KAZN: variants seen among roughly 807,000 people sequenced by gnomAD.
The protein encoded by KAZN is kazrin, periplakin interacting protein, also known as kazrin.
Under a neutral mutation model 87.4 loss-of-function variants are expected in KAZN, and 40 were observed. The observed-to-expected ratio is 0.46, with a 90% confidence interval of 0.36 to 0.60. The LOEUF (loss-of-function observed/expected upper bound fraction) is 0.60. Among genes scored for constraint, KAZN ranks in the 20% least tolerant of loss-of-function variants. The pLI, the probability that KAZN is intolerant of heterozygous loss-of-function variation, is 0.00. For missense variants in KAZN, 898 were observed against 1,073.9 expected (o/e 0.84, Z 2.29); for synonymous variants, 466 against 458.3 (o/e 1.02, Z -0.22).
intron 1 of KAZN, among the ~76,000 whole-genome samples, chr1:14,131,346 C>T (rs1202962038): frequency 1.3e-5 from 2 of 152,172 alleles, no homozygotes; most frequent in Non-Finnish European, 2.9e-5. Context: ...GAAACACTGT[C>T]ACTGGTCACC....
chr1:14,680,645 A>C (rs1474608843), intron 1 of KAZN, among the ~76,000 whole-genome samples: 2 of 151,788 alleles, frequency 1.3e-5, no homozygotes, highest in African/African-American at 2.4e-5. Context: ...CCGGTGTGTG[A>C]TGTTCCCCTC....
intron 1 of KAZN, among the ~76,000 whole-genome samples, chr1:14,046,512 T>C (rs1642080232): frequency 6.6e-6 from 1 of 152,228 alleles, no homozygotes; most frequent in African/African-American, 2.4e-5. Context: ...CAACATCCCA[T>C]CTTGTTTGCT....
At chr1:14,379,716 C>T (rs2101043995) in intron 2 of KAZN, among the ~76,000 whole-genome samples, 1 of 152,302 alleles carries the variant, frequency 6.6e-6, no homozygotes, top group Non-Finnish European at 1.5e-5. Flanking sequence ...AGTGCCAGCT[C>T]AGCCACAGTA....
intron 1 of KAZN, among the ~76,000 whole-genome samples, chr1:14,775,657 C>T (rs903181675): frequency 2.0e-5 from 3 of 152,212 alleles, no homozygotes; most frequent in Non-Finnish European, 2.9e-5. Context: ...ACTTCCTCAA[C>T]GTGCGCCATG....
At chr1:14,854,406 T>C (rs144516730) in intron 1 of KAZN, among the ~76,000 whole-genome samples, 14 of 152,316 alleles carry the variant, frequency 9.2e-5, no homozygotes, top group African/African-American at 3.4e-4. Flanking sequence ...GGGTAGTTTA[T>C]ACAGAAAAGA....
At chr1:14,133,509 G>T (rs1645043869) in intron 1 of KAZN, among the ~76,000 whole-genome samples, 3 of 151,990 alleles carry the variant, frequency 2.0e-5, no homozygotes, top group African/African-American at 7.3e-5. Context: ...CTAGTAATGG[G>T]CAATTCCTCA....
intron 1 of KAZN, among the ~76,000 whole-genome samples, chr1:14,824,646 C>A (rs1376796852): frequency 6.6e-6 from 1 of 152,228 alleles, no homozygotes; most frequent in Non-Finnish European, 1.5e-5. Context: ...ACATGGGCGC[C>A]ATTCCAGAAA....
intron 1 of KAZN, among the ~76,000 whole-genome samples, chr1:14,927,879 G>A (rs1464119062): frequency 1.3e-5 from 2 of 152,112 alleles, no homozygotes; most frequent in East Asian, 1.9e-4. Context: ...TGGGGCGCTT[G>A]TGTGTCTTTG....
chr1:14,706,020 C>T (rs895660532), intron 1 of KAZN, among the ~76,000 whole-genome samples: 9 of 152,016 alleles, frequency 5.9e-5, no homozygotes, highest in Middle Eastern at 6.3e-3. Context: ...ACCTGAGCTC[C>T]GCCTCCTGGA....
intron 2 of KAZN, among the ~76,000 whole-genome samples, chr1:14,249,464 C>A (rs148371244): frequency 6.6e-6 from 1 of 152,124 alleles, no homozygotes; most frequent in Non-Finnish European, 1.5e-5. Context: ...TCAGGAAGTT[C>A]CAGGTGTGAA....
rs2148594405 is a variant in KAZN, at chr1:14,599,143, G to A, written c.146G>A (p.Gly49Asp). ...AGCGGCGGCGGCGGCCCCGGCCCGGGCCCGGGAGCCGCGGCCAGCGCCTCG... is the reference window on the plus strand; with the variant it reads ...AGCGGCGGCGGCGGCCCCGGCCCGGACCCGGGAGCCGCGGCCAGCGCCTCG... The part of the protein sequence containing the change: ...ELSGGGGPGP[G>D]PGAAASASAA... The change falls in exon 1 of 15, where the codon GGC becomes GAC. Residue 49 changes from glycine (G) to aspartate (D), a missense_variant. Physicochemically the swap from Gly to Asp is moderately conservative, Grantham distance 94. Coordinates refer to ENST00000376030, the MANE Select transcript of KAZN (RefSeq NM_201628.3). The surrounding 1 kb of genome is among the most constrained non-coding windows in gnomAD (Gnocchi z 4.4). The A allele has an allele frequency of 2.1e-6, 3 of 1,436,226 alleles. No homozygotes were observed. The highest frequency in any genetic ancestry group is 2.8e-5 in the East Asian group (1 of 35,530). 89.0% of individuals were successfully genotyped at this position (1,436,226 alleles called of 1,614,324 possible).
intron 2 of KAZN, among the ~76,000 whole-genome samples, chr1:14,417,182 TAAAAAAA>T (rs59936555): frequency 2.3e-5 from 3 of 133,254 alleles, no homozygotes; most frequent in Non-Finnish European, 4.9e-5. Flanking sequence ...TGTCTCAAAA[TAAAAAAA>T]AAAAAAGGAA....
At chr1:14,393,196 GCTCCAAA>G (rs1662603900) in intron 2 of KAZN, among the ~76,000 whole-genome samples, 1 of 152,098 alleles carries the variant, frequency 6.6e-6, no homozygotes, top group Non-Finnish European at 1.5e-5. Flanking sequence ...ACTTGTCAGG[GCTCCAAA>G]CAGGCACTTT....
At chr1:15,100,248 C>T (rs1039061148) in intron 10 of KAZN, among the ~76,000 whole-genome samples, 3 of 152,224 alleles carry the variant, frequency 2.0e-5, no homozygotes, top group Admixed American at 6.5e-5. Context: ...AGCATGTACC[C>T]CAGCAGGGTG....
Position 14,599,349 on chromosome 1 carries a change from T to C in KAZN, c.226+126T>C. ...CGCTTTGCATTCTGGCTTGTAACCCTTTCCGCCCGGCGGTGGCCACCGCTG... is the reference window on the plus strand; with the variant it reads ...CGCTTTGCATTCTGGCTTGTAACCCCTTCCGCCCGGCGGTGGCCACCGCTG... On this transcript the variant is annotated intron_variant, in intron 1 of 14. Transcript: ENST00000376030. The surrounding 1 kb of genome is among the most constrained non-coding windows in gnomAD (Gnocchi z 4.4). The C allele has an allele frequency of 1.9e-6, 2 of 1,035,298 alleles. No homozygotes were observed. The highest frequency in any genetic ancestry group is 8.9e-5 in the Admixed American group (2 of 22,502). The allele number at this position is 1,035,298 out of a possible 1,614,324, so 64.1% of individuals were successfully genotyped here.
chr1:14,356,894 G>T (rs1230802015), intron 2 of KAZN, among the ~76,000 whole-genome samples: 1 of 152,122 alleles, frequency 6.6e-6, no homozygotes, highest in Admixed American at 6.5e-5. Flanking sequence ...GCTTAGGATT[G>T]TCTTGACTAT....
intron 2 of KAZN, among the ~76,000 whole-genome samples, chr1:14,389,843 A>C (rs571486654): frequency 4.4e-4 from 67 of 152,296 alleles, no homozygotes; most frequent in African/African-American, 1.5e-3. Flanking sequence ...CACATTTAAA[A>C]ATAACTAAAA....
chr1:13,937,133 G>T lies in KAZN; in HGVS notation c.91+43377G>T, dbSNP rs1640772477. On this transcript the variant is annotated intron_variant, in intron 1 of 16. Transcript: ENST00000636203. ...GCAATCTCAGCTCACCATTACCTCTGCCTCCTGGGTTCAAGTGATTCTCCT... is the reference window on the plus strand; with the variant it reads ...GCAATCTCAGCTCACCATTACCTCTTCCTCCTGGGTTCAAGTGATTCTCCT... 3.4e-5 allele frequency among the ~76,000 whole-genome samples: 5 copies of T among 148,710 alleles called. No homozygotes were observed. The South Asian group carries it at 1.1e-3, about 31-fold the overall frequency.
chr1:13,926,528 G>A lies in KAZN; in HGVS notation c.91+32772G>A, dbSNP rs759899886. Among the ~76,000 whole-genome samples, 43 of 152,148 alleles carry A rather than the reference G, an allele frequency of 2.8e-4. 1 individual carries two copies. The highest frequency in any genetic ancestry group is 6.8e-3 in the Middle Eastern group (2 of 294). ...TATTTTCAAGTCCCCTTTGCACAAAGGCATGTACACGTGTAGCCAGTGACA... is the reference window on the plus strand; with the variant it reads ...TATTTTCAAGTCCCCTTTGCACAAAAGCATGTACACGTGTAGCCAGTGACA... On this transcript the variant is annotated intron_variant, in intron 1 of 16. Transcript: ENST00000636203.
Sources: gnomAD v4.1 joint callset for allele counts (sites outside exome capture counted in the v4.1 genomes callset) on GRCh38, gnomAD v4.1.1 for gene constraint, Gnocchi (gnomAD v3.1) non-coding constraint, MANE v1.5 for transcripts, NCBI Gene and HGNC (gene_info 2026-07-23, HGNC 2026-07-21) for gene names.